RANBP2: variants seen among roughly 807,000 people sequenced by gnomAD.
RANBP2 encodes the protein RAN binding protein 2, also known as E3 SUMO-protein ligase RanBP2.
In RANBP2, 57 loss-of-function variants were observed where a neutral mutation model predicts 303.6. The ratio of observed to expected loss-of-function variants is 0.19; its 90% CI spans 0.15 to 0.23. The LOEUF (loss-of-function observed/expected upper bound fraction) is 0.23, where lower values mean the gene tolerates loss of function less well. Among genes scored for constraint, RANBP2 ranks in the 10% least tolerant of loss-of-function variants. The pLI, the probability that RANBP2 is intolerant of heterozygous loss-of-function variation, is 1.00. For synonymous variants in RANBP2, 1,167 were observed against 1,301.5 expected, an observed-to-expected ratio of 0.90 and a Z score of 2.23; for missense variants, 3,138 against 3,780.8, an observed-to-expected ratio of 0.83 and a Z score of 4.46.
chr2:109,589,721 ATAT>A, the RANBP2 span, among the ~76,000 whole-genome samples: 4 of 150,038 alleles, frequency 2.7e-5, no homozygotes, highest in African/African-American at 7.5e-5. Context: ...AGTTAAACAC[ATAT>A]TATTATATAG....
chr2:109,262,265 C>T, the RANBP2 span, among the ~76,000 whole-genome samples: 1 of 152,188 alleles, frequency 6.6e-6, no homozygotes, highest in Non-Finnish European at 1.5e-5. Context: ...GGAGAGAAAC[C>T]AGTTGTCTAA....
the RANBP2 span, among the ~76,000 whole-genome samples, chr2:109,372,716 C>T: frequency 6.6e-6 from 1 of 152,190 alleles, no homozygotes; most frequent in Non-Finnish European, 1.5e-5. Flanking sequence ...GCTCTCACAC[C>T]ATATCCTGCC....
At chr2:109,139,281 C>T in the RANBP2 span, among the ~76,000 whole-genome samples, 4 of 152,014 alleles carry the variant, frequency 2.6e-5, no homozygotes, top group East Asian at 1.9e-4. Flanking sequence ...AAATTAATGT[C>T]GCCTTAACAA....
At chr2:109,734,178 C>CAA in the RANBP2 span, among the ~76,000 whole-genome samples, 25,855 of 135,148 alleles carry the variant, frequency 0.19, 3,434 homozygotes, top group African/African-American at 0.37. Flanking sequence ...GACTCCACCT[C>CAA]AAAAAAAAAA....
At chr2:108,812,615 T>G in the RANBP2 span, 1 of 1,600,902 alleles carries the variant, frequency 6.2e-7, no homozygotes, top group Non-Finnish European at 8.6e-7. Flanking sequence ...AATATCTAAC[T>G]TTTTCTACCC....
chr2:108,782,087 T>C, intron 26 of RANBP2, 41 bp from the exon 27 acceptor site: 1 of 1,599,092 alleles, frequency 6.3e-7, no homozygotes, highest in Non-Finnish European at 8.5e-7. Context: ...TGGAATTTAT[T>C]ATAAGCAGCA....
At chr2:108,756,057 T>C (rs1372689359) in intron 17 of RANBP2, among the ~76,000 whole-genome samples, 1 of 152,106 alleles carries the variant, frequency 6.6e-6, no homozygotes, top group East Asian at 1.9e-4. Context: ...TTTATGTGTC[T>C]CTCTCTTCAT....
chr2:108,842,023 CTTGT>C, the RANBP2 span, among the ~76,000 whole-genome samples: 22 of 151,670 alleles, frequency 1.5e-4, no homozygotes, highest in Non-Finnish European at 1.6e-4. Flanking sequence ...AAGGGTTTTT[CTTGT>C]TTGTTTGTTT....
chr2:109,725,444 G>A, the RANBP2 span, among the ~76,000 whole-genome samples: 2 of 152,186 alleles, frequency 1.3e-5, no homozygotes, highest in African/African-American at 4.8e-5. Context: ...TATCCAAATT[G>A]CACTTCACCA....
At chr2:108,777,030 C>T in intron 24 of RANBP2, 100 bp from the exon 25 acceptor site, 1 of 981,684 alleles carries the variant, frequency 1.0e-6, no homozygotes, top group Non-Finnish European at 1.6e-6. Flanking sequence ...CCCCTCATCC[C>T]AGAGTATACA....
At chr2:108,872,804 C>T in the RANBP2 span, among the ~76,000 whole-genome samples, 1 of 152,206 alleles carries the variant, frequency 6.6e-6, no homozygotes, top group African/African-American at 2.4e-5. Context: ...AGCATTCAAA[C>T]TACAGCATTC....
chr2:109,349,431 G>A, the RANBP2 span, among the ~76,000 whole-genome samples: 1 of 152,140 alleles, frequency 6.6e-6, no homozygotes, highest in African/African-American at 2.4e-5. Flanking sequence ...GTCGGAGGGC[G>A]AGAGCAACAG....
the RANBP2 span, chr2:108,988,927 T>A: frequency 6.6e-6 from 1 of 151,572 alleles, no homozygotes; most frequent in African/African-American, 2.4e-5. Flanking sequence ...AGCTGAAGAG[T>A]TTAGAAAACC....
the RANBP2 span, among the ~76,000 whole-genome samples, chr2:109,082,269 T>C: frequency 1.3e-5 from 2 of 152,188 alleles, no homozygotes; most frequent in African/African-American, 4.8e-5. Flanking sequence ...CTCCTGGTAT[T>C]CCTTAGCACC....
chr2:109,737,333 T>C, the RANBP2 span: 77 of 688,296 alleles, frequency 1.1e-4, no homozygotes, highest in South Asian at 1.2e-3. Context: ...TTGCTCCTTT[T>C]GACGGTCACC....
At chr2:108,906,437 T>G in the RANBP2 span, 1 of 1,543,482 alleles carries the variant, frequency 6.5e-7, no homozygotes, top group Non-Finnish European at 9.0e-7. Flanking sequence ...AAATCCTCCA[T>G]GTCAGCAGGG....
At chr2:109,208,515 T>A in the RANBP2 span, among the ~76,000 whole-genome samples, 13 of 152,238 alleles carry the variant, frequency 8.5e-5, no homozygotes, top group Non-Finnish European at 1.8e-4. Flanking sequence ...AAGCTCCATG[T>A]GATTGAGCTT....
the RANBP2 span, chr2:109,398,735 G>T: frequency 6.2e-7 from 1 of 1,613,438 alleles, no homozygotes; most frequent in Non-Finnish European, 8.5e-7. Context: ...GGGGCGGTCA[G>T]TGCCTTTCAG....
At chr2:109,656,615 T>C in the RANBP2 span, among the ~76,000 whole-genome samples, 1 of 152,148 alleles carries the variant, frequency 6.6e-6, no homozygotes, top group Non-Finnish European at 1.5e-5. Flanking sequence ...GCTGGGATTA[T>C]AGGCATGAGC....
Sources: allele counts gnomAD v4.1 joint callset (sites outside exome capture counted in the v4.1 genomes callset), GRCh38; gene constraint gnomAD v4.1.1; transcripts MANE v1.5; gene names NCBI Gene and HGNC (gene_info 2026-07-23, HGNC 2026-07-21).